GALNT14: variants seen among roughly 807,000 people sequenced by gnomAD.
The protein encoded by GALNT14 is UDP-GalNAc:polypeptide N-acetylgalactosaminyltransferase 14.
GALNT14 carries 60 observed loss-of-function variants against 77.5 expected under a neutral mutation model. The observed-to-expected ratio is 0.77, with a 90% CI of 0.63 to 0.96. The LOEUF is 0.96. Among genes scored for constraint, GALNT14 ranks in the 40% least tolerant of loss-of-function variants. The pLI is 0.00. For synonymous variants in GALNT14, 280 were observed against 281.7 expected, an observed-to-expected ratio of 0.99 and a Z score of 0.06; for missense variants, 710 against 731.0, an observed-to-expected ratio of 0.97 and a Z score of 0.33.
Position 31,122,867 on chromosome 2 carries a change from G to A in GALNT14, c.129+15091C>T, listed in dbSNP as rs561500665. 3.9e-5 allele frequency among the ~76,000 whole-genome samples: 6 copies of A among 152,232 alleles called. No homozygotes were observed. The East Asian group carries it at 7.7e-4, about 20-fold the overall frequency. Reference sequence around the variant, plus strand: ...GCCTAAAAGCAACCATAGACAATTCGTAAAGGAATTCGGCTCCAATAAAAC... The same window carrying A: ...GCCTAAAAGCAACCATAGACAATTCATAAAGGAATTCGGCTCCAATAAAAC... On this transcript the variant is annotated intron_variant, in intron 1 of 14. Transcript: ENST00000349752.
intron 9 of GALNT14, among the ~76,000 whole-genome samples, chr2:30,937,927 G>C (rs185733339): frequency 6.6e-6 from 1 of 152,198 alleles, no homozygotes; most frequent in East Asian, 1.9e-4. Context: ...GATGCATAGC[G>C]ATGATTACAG....
At chr2:30,982,131 A>T (rs1669028311) in intron 2 of GALNT14, among the ~76,000 whole-genome samples, 1 of 152,188 alleles carries the variant, frequency 6.6e-6, no homozygotes, top group African/African-American at 2.4e-5. Flanking sequence ...AATGTGTGCC[A>T]CTTCATTGCA....
intron 2 of GALNT14, among the ~76,000 whole-genome samples, chr2:30,982,661 C>A (rs142943515): frequency 6.6e-6 from 1 of 152,190 alleles, no homozygotes; most frequent in African/African-American, 2.4e-5. Flanking sequence ...TGATGGGGCA[C>A]GGGCATAAGG....
intron 1 of GALNT14, among the ~76,000 whole-genome samples, chr2:31,047,716 T>A (rs895060900): frequency 8.5e-5 from 13 of 152,200 alleles, no homozygotes; most frequent in African/African-American, 2.9e-4. Context: ...GGAGAGCATT[T>A]TCAAGACATG....
intron 1 of GALNT14, among the ~76,000 whole-genome samples, chr2:30,997,868 C>T (rs886462010): frequency 3.3e-5 from 5 of 152,070 alleles, no homozygotes; most frequent in Non-Finnish European, 5.9e-5. Flanking sequence ...TTGAAATATG[C>T]AATATATTTT....
chr2:30,965,801 CT>C (rs1161973440), intron 3 of GALNT14, among the ~76,000 whole-genome samples: 15 of 4,732 alleles, frequency 3.2e-3, no homozygotes, highest in African/African-American at 0.013. Flanking sequence ...AATCAGGGTG[CT>C]GGGTGCTGAC....
chr2:30,931,180 A>G (rs1665704911), intron 10 of GALNT14, among the ~76,000 whole-genome samples: 1 of 151,990 alleles, frequency 6.6e-6, no homozygotes, highest in African/African-American at 2.4e-5. Flanking sequence ...CAATTTTCCC[A>G]TTGCTCAAAC....
the GALNT14 span, among the ~76,000 whole-genome samples, chr2:30,887,679 A>G: frequency 1.3e-5 from 2 of 152,318 alleles, no homozygotes; most frequent in South Asian, 2.1e-4. Context: ...TTTCTTGATA[A>G]TACCTTTTGA....
intron 1 of GALNT14, among the ~76,000 whole-genome samples, chr2:31,129,982 GC>G (rs1678896557): frequency 1.3e-5 from 2 of 152,192 alleles, no homozygotes; most frequent in Admixed American, 6.5e-5. Flanking sequence ...GAAGAAGACA[GC>G]CGGGGTGGTT....
rs778348392 is a variant in GALNT14, at chr2:30,945,797, G to A, written c.728C>T (p.Ser243Leu). Residue 243 changes from serine to leucine, a missense_variant, in exon 7 of 15, where the codon TCG becomes TTG. Coordinates refer to ENST00000349752, the MANE Select transcript of GALNT14 (RefSeq NM_024572.4). ...GCCCAACTCACCCCCTCTGAGCTCC[G>A]AGGCAGACTCGATGTAGGTGAAGGT... ...LDTFTYIESA[S>L]ELRGGFDWSL... 15 of 1,614,084 alleles carry A rather than the reference G, an allele frequency of 9.3e-6. No homozygotes were observed. Among genetic ancestry groups the A allele is most frequent in the South Asian group, 3.3e-5 (3 of 91,078 alleles).
chr2:30,899,570 G>GT, the GALNT14 span, among the ~76,000 whole-genome samples: 18,116 of 145,510 alleles, frequency 0.12, 1,227 homozygotes, highest in Admixed American at 0.15. Flanking sequence ...CTCACCCAAG[G>GT]TTTTTTTTTT....
chr2:30,929,523 G>A (rs370401092), intron 10 of GALNT14, 36 bp from the exon 11 acceptor site: 1 of 1,533,602 alleles, frequency 6.5e-7, no homozygotes, highest in Non-Finnish European at 9.0e-7. Flanking sequence ...GTGTCAGTAA[G>A]GGGCTGTCTG....
chr2:31,000,435 C>CTCTGTGTGTG (rs1670295959), intron 1 of GALNT14, among the ~76,000 whole-genome samples: 1 of 145,974 alleles, frequency 6.9e-6, no homozygotes, highest in Non-Finnish European at 1.5e-5. Flanking sequence ...ATATCACCAA[C>CTCTGTGTGTG]TGTGTGTGTG....
In GALNT14 at chr2:31,123,471, G is replaced by T. The variant is rs570539632; in HGVS notation, c.129+14487C>A. The stretch of plus-strand genomic sequence containing the variant: ...GGTTGCTCAGCCTATTCCCTATCCT[G>T]ATGCTGGCTTTCCCTTCCTGTTATG... On this transcript the variant is annotated intron_variant, in intron 1 of 14. Coordinates refer to ENST00000349752, the MANE Select transcript of GALNT14 (RefSeq NM_024572.4). Among the ~76,000 whole-genome samples, 4 of 152,280 alleles carry T rather than the reference G, an allele frequency of 2.6e-5. No individual in the cohort carries two copies. In the South Asian group the frequency reaches 8.3e-4, roughly 32 times the overall value.
At chr2:31,119,221 T>C (rs1678263515) in intron 1 of GALNT14, among the ~76,000 whole-genome samples, 1 of 152,210 alleles carries the variant, frequency 6.6e-6, no homozygotes, top group African/African-American at 2.4e-5. Flanking sequence ...CATATTCGAC[T>C]GTATTTTTCA....
At chr2:30,985,516 G>A (rs1006204139) in intron 2 of GALNT14, among the ~76,000 whole-genome samples, 21 of 152,252 alleles carry the variant, frequency 1.4e-4, no homozygotes, top group South Asian at 4.1e-4. Flanking sequence ...CCCTGTGGCC[G>A]TTCCTCCCCT....
chr2:30,912,086 C>G, intron 14 of GALNT14, 137 bp downstream of exon 14: 10 of 1,088,268 alleles, frequency 9.2e-6, no homozygotes, highest in African/African-American at 1.6e-5. Flanking sequence ...GCAGCACTTT[C>G]CCTCCCTCTC....
chr2:31,039,485 C>T (rs770373027), intron 1 of GALNT14, among the ~76,000 whole-genome samples: 35 of 152,264 alleles, frequency 2.3e-4, no homozygotes, highest in East Asian at 9.7e-4. Flanking sequence ...TGAATCGGGC[C>T]GGCTTACCAA....
At chr2:30,891,669 T>G in the GALNT14 span, among the ~76,000 whole-genome samples, 1 of 152,164 alleles carries the variant, frequency 6.6e-6, no homozygotes. Context: ...TAGCAGTGTC[T>G]GTGTGACAGA....
Sources: allele counts gnomAD v4.1 joint callset (sites outside exome capture counted in the v4.1 genomes callset), GRCh38; gene constraint gnomAD v4.1.1; transcripts MANE v1.5; gene names NCBI Gene and HGNC (gene_info 2026-07-23, HGNC 2026-07-21).